The following ZNF268 variants were observed in gnomAD, a reference collection of about 807,000 sequenced individuals.
ZNF268 encodes zinc finger protein 268, also known as zinc finger protein 3.
In ZNF268, 20 loss-of-function variants were observed where a neutral mutation model predicts 29.3. That is an observed-to-expected ratio of 0.68 (90% CI 0.48 to 0.99). ZNF268 has a LOEUF of 0.99. Ranked by LOEUF, ZNF268 falls within the 50% of genes least tolerant of loss-of-function variation. The probability of loss-of-function intolerance (pLI) is 0.00; values close to 1 mark genes in which losing one functional copy is unlikely to be tolerated. For missense variants in ZNF268, 1,240 were observed against 1,121.6 expected, an observed-to-expected ratio of 1.11 and a Z score of -1.51; for synonymous variants, 429 against 376.9, an observed-to-expected ratio of 1.14 and a Z score of -1.60.
At chr12:133,199,295 A>T (rs1956692721) in intron 5 of ZNF268, among the ~76,000 whole-genome samples, 1 of 152,130 alleles carries the variant, frequency 6.6e-6, no homozygotes, top group South Asian at 2.1e-4. Flanking sequence ...TGAGATAATC[A>T]TGTGGTTTTT....
intron 5 of ZNF268, among the ~76,000 whole-genome samples, chr12:133,196,299 C>T (rs548659246): frequency 1.5e-3 from 208 of 134,448 alleles, no homozygotes; most frequent in African/African-American, 5.4e-3. Context: ...TCCAGCCTGG[C>T]GACAGAGTGA....
Position 133,210,013 on chromosome 12 carries a change from T to C in ZNF268, c.*5483T>C, listed in dbSNP as rs754851967. Reference sequence around the variant, plus strand: ...GTATAAAAAGTAGTTGGGCTTGCTATAAAGATGACTAGTGGAAACCTCAAT... The same window carrying C: ...GTATAAAAAGTAGTTGGGCTTGCTACAAAGATGACTAGTGGAAACCTCAAT... On this transcript the variant is annotated 3_prime_UTR_variant, in exon 6 of 6. Coordinates refer to ENST00000536435, the MANE Select transcript of ZNF268 (RefSeq NM_003415.3). The C allele has an allele frequency of 2.6e-5, 4 of 152,202 alleles. No individual in the cohort carries two copies. The highest frequency in any genetic ancestry group is 4.8e-5 in the African/African-American group (2 of 41,448). The allele number at this position is 152,202 out of a possible 1,614,324, so 9.4% of individuals were successfully genotyped here. A position where few individuals can be genotyped will look rare whatever the true frequency, so the allele number is the denominator to read the frequency against.
At chr12:133,187,398 T>C (rs1238710273) in intron 2 of ZNF268, among the ~76,000 whole-genome samples, 10 of 152,132 alleles carry the variant, frequency 6.6e-5, no homozygotes, top group Non-Finnish European at 1.5e-5. Flanking sequence ...AGTTTCGTTT[T>C]TCTGATTTCT....
chr12:133,188,572 AC>A (rs1956383257), intron 3 of ZNF268, among the ~76,000 whole-genome samples: 1 of 151,400 alleles, frequency 6.6e-6, no homozygotes, highest in Non-Finnish European at 1.5e-5. Flanking sequence ...ATTTCCTCAT[AC>A]TCAATTTTCA....
chr12:133,207,264 T>C lies in ZNF268; in HGVS notation c.*2734T>C, dbSNP rs1235034121. 1.3e-5 allele frequency: 2 copies of C among 152,050 alleles called. No homozygotes were observed. The highest frequency in any genetic ancestry group is 2.1e-4 in the South Asian group (1 of 4,830). 9.4% of individuals were successfully genotyped at this position (152,050 alleles called of 1,614,324 possible). A position where few individuals can be genotyped will look rare whatever the true frequency, so the allele number is the denominator to read the frequency against. ...ACAACTTCCCCATCAAATAGAAATT[T>C]AGGAGAAAAAATGACTTGCAAACCA... is the stretch of plus-strand genomic sequence containing the variant. On this transcript the variant is annotated 3_prime_UTR_variant, in exon 6 of 6. Transcript: ENST00000536435.
chr12:133,198,940 GAC>G, intron 5 of ZNF268, among the ~76,000 whole-genome samples: 1 of 146,974 alleles, frequency 6.8e-6, no homozygotes. Flanking sequence ...TTTGGGCTGA[GAC>G]AGTGGGGTTT....
chr12:133,190,386 A>T (rs1393539343), intron 3 of ZNF268, among the ~76,000 whole-genome samples: 3 of 152,222 alleles, frequency 2.0e-5, no homozygotes, highest in Non-Finnish European at 2.9e-5. Context: ...CTGGCTTCCA[A>T]AGTGACTCTA....
At chr12:133,192,107 C>A in intron 5 of ZNF268, 104 bp downstream of exon 5, 17 of 532,356 alleles carry the variant, frequency 3.2e-5, no homozygotes, top group Non-Finnish European at 4.4e-5. Flanking sequence ...TTACCATGCA[C>A]TTTTTTTTTT....
At position 133,203,225 on chromosome 12, in the gene ZNF268, A is replaced by G. The variant is rs1411730899; in HGVS notation, c.1539A>G (p.Ser513=). The change falls in exon 6 of 6, where the codon TCA becomes TCG. Residue 513 remains serine, a synonymous_variant. Coordinates refer to ENST00000536435, the MANE Select transcript of ZNF268 (RefSeq NM_003415.3). The part of the protein sequence containing the change: ...NECGKAFRSK[S]YLIIHTRTHT... ...GTGGCAAAGCCTTCAGGAGCAAGTC[A>G]TACCTTATTATACATACAAGGACTC... is the stretch of plus-strand genomic sequence containing the variant. 5 of 1,537,850 alleles carry G rather than the reference A, an allele frequency of 3.3e-6. No homozygotes were observed. Among genetic ancestry groups the G allele is most frequent in the African/African-American group, 1.4e-5 (1 of 73,022 alleles).
At position 133,211,795 on chromosome 12, in the gene ZNF268, G is replaced by T. The variant is rs539411345; in HGVS notation, c.*7265G>T. 6.6e-6 allele frequency: 1 copy of T among 152,166 alleles called. No individual in the cohort carries two copies. The highest frequency in any genetic ancestry group is 1.5e-5 in the Non-Finnish European group (1 of 68,032). The allele number at this position is 152,166 out of a possible 1,614,324, so 9.4% of individuals were successfully genotyped here. On this transcript the variant is annotated 3_prime_UTR_variant, in exon 6 of 6. Coordinates refer to ENST00000536435, the MANE Select transcript of ZNF268 (RefSeq NM_003415.3). ...CAATGCATAATAGTATAGCCACTTT[G>T]GAAGATAGTTTGACTTTTCCCCAAA...
In ZNF268 at chr12:133,204,248, C is replaced by G. The variant is rs761119755; in HGVS notation, c.2562C>G (p.His854Gln). The G allele has an allele frequency of 3.9e-6, 6 of 1,544,954 alleles. No individual in the cohort carries two copies. Among genetic ancestry groups the G allele is most frequent in the Admixed American group, 3.9e-5 (2 of 51,190 alleles). ...SFSGKLRLLV[H>Q]QRMHTREKPY... ...GTGGGAAATTACGCCTTCTTGTACA[C>G]CAGAGAATGCACACAAGAGAGAAAC... The change falls in exon 6 of 6, where the codon CAC (histidine) becomes CAG (glutamine). Residue 854 changes from histidine (H) to glutamine (Q), a missense_variant. Physicochemically the swap from His to Gln is conservative, Grantham distance 24. This residue lies in a region of ZNF268 where 1,177 missense variants were observed against 1,039.6 expected (regional missense o/e 1.13). Transcript: ENST00000536435.
chr12:133,204,428 T>TA lies in ZNF268; in HGVS notation c.2743dup (p.Thr915AsnfsTer7). 6.4e-7 allele frequency: 1 copy of TA among 1,566,376 alleles called. No individual in the cohort carries two copies. The highest frequency in any genetic ancestry group is 8.6e-7 in the Non-Finnish European group (1 of 1,161,252). ...TTCTCAGTGCACATCAGAGAACACATACAGGAGAGAAGCCTTGTAAGTGCA... is the reference window on the plus strand; with the variant it reads ...TTCTCAGTGCACATCAGAGAACACATAACAGGAGAGAAGCCTTGTAAGTGCA... On this transcript the variant is annotated frameshift_variant, in exon 6 of 6. Transcript: ENST00000536435. LOFTEE classifies it high-confidence loss of function.
At position 133,204,713 on chromosome 12, in the gene ZNF268, A is replaced by G. The variant is rs1354505145; in HGVS notation, c.*183A>G. ...AGCTGTTCTTTACATGCAAAAAGAT[A>G]GTAGACAATACACAGGAAAACTGAA... On this transcript the variant is annotated 3_prime_UTR_variant, in exon 6 of 6. Coordinates refer to ENST00000536435, the MANE Select transcript of ZNF268 (RefSeq NM_003415.3). 2.0e-6 allele frequency: 1 copy of G among 506,166 alleles called. No individual in the cohort carries two copies. Among genetic ancestry groups the G allele is most frequent in the African/African-American group, 2.0e-5 (1 of 50,826 alleles). 31.4% of individuals were successfully genotyped at this position (506,166 alleles called of 1,614,324 possible).
chr12:133,196,663 C>G (rs1956606089), intron 5 of ZNF268, among the ~76,000 whole-genome samples: 1 of 152,184 alleles, frequency 6.6e-6, no homozygotes, highest in Admixed American at 6.5e-5. Context: ...GATTCTAGGG[C>G]ACAGAGTAAT....
At chr12:133,183,820 C>T (rs1263419504) in intron 2 of ZNF268, among the ~76,000 whole-genome samples, 1 of 152,108 alleles carries the variant, frequency 6.6e-6, no homozygotes, top group Non-Finnish European at 1.5e-5. Flanking sequence ...CAAGAGAAAG[C>T]AGGGGAAGAG....
chr12:133,203,903 C>A lies in ZNF268; in HGVS notation c.2217C>A (p.Leu739=). Residue 739 remains leucine (L), a synonymous_variant, in exon 6 of 6, where the codon CTC becomes CTA. Coordinates refer to ENST00000536435, the MANE Select transcript of ZNF268 (RefSeq NM_003415.3). ...CGKSFSFNSQ[L]IVHQRIHTGE... The stretch of plus-strand genomic sequence containing the variant: ...AATCCTTTAGTTTCAATTCACAACT[C>A]ATTGTGCATCAGAGAATTCACACAG... 6.3e-7 allele frequency: 1 copy of A among 1,582,602 alleles called. No homozygotes were observed.
rs1397224115 is a variant in ZNF268 at position 133,203,161 on chromosome 12, GAA to G, written c.1476_1477del (p.Thr495ArgfsTer9). On this transcript the variant is annotated frameshift_variant, in exon 6 of 6. Transcript: ENST00000536435. LOFTEE classifies it low-confidence loss of function (END_TRUNC). ...AAATCACAGCTCATTGTACATCAGA[GAA>G]GTCACACAGGAATGAAACCTTATGT... The G allele has an allele frequency of 6.5e-7, 1 of 1,537,720 alleles. No individual in the cohort carries two copies. Among genetic ancestry groups the G allele is most frequent in the South Asian group, 1.2e-5 (1 of 84,060 alleles).
rs752348262 is a variant in ZNF268, at chr12:133,203,921, T to C, written c.2235T>C (p.Ile745=). ...CACAACTCATTGTGCATCAGAGAATTCACACAGGAGAAAATCCCTATGAAT... is the reference window on the plus strand; with the variant it reads ...CACAACTCATTGTGCATCAGAGAATCCACACAGGAGAAAATCCCTATGAAT... ...FNSQLIVHQR[I]HTGENPYECS... Residue 745 remains isoleucine, a synonymous_variant, in exon 6 of 6, where the codon ATT becomes ATC. Transcript: ENST00000536435. 5 of 1,589,358 alleles carry C rather than the reference T, an allele frequency of 3.1e-6. No homozygotes were observed. The South Asian group carries it at 5.6e-5, about 18-fold the overall frequency.
rs893149533 is a variant in ZNF268 at position 133,213,086 on chromosome 12, C to T, written c.*8556C>T. 6.6e-6 allele frequency: 1 copy of T among 152,158 alleles called. No homozygotes were observed. Among genetic ancestry groups the T allele is most frequent in the African/African-American group, 2.4e-5 (1 of 41,440 alleles). The allele number at this position is 152,158 out of a possible 1,614,324, so 9.4% of individuals were successfully genotyped here. ...GCCAGGCTAGTCTCAAACTCCTGTC[C>T]TCAAGTGATCCACTTACCTTGGCCT... On this transcript the variant is annotated 3_prime_UTR_variant, in exon 6 of 6. Transcript: ENST00000536435.
Sources: allele counts gnomAD v4.1 joint callset (sites outside exome capture counted in the v4.1 genomes callset), GRCh38; gene constraint gnomAD v4.1.1; regional missense constraint gnomAD v4.1.1; transcripts MANE v1.5; gene names NCBI Gene and HGNC (gene_info 2026-07-23, HGNC 2026-07-21).